TUBGCP6: variants seen among roughly 807,000 people sequenced by gnomAD.
TUBGCP6 encodes tubulin gamma complex component 6, also known as gamma-tubulin complex component 6.
Under a neutral mutation model 175.8 loss-of-function variants are expected in TUBGCP6, and 161 were observed. The ratio of observed to expected loss-of-function variants is 0.92; its 90% CI spans 0.81 to 1.04. The LOEUF (loss-of-function observed/expected upper bound fraction) is 1.04. Among genes scored for constraint, TUBGCP6 ranks in the 50% least tolerant of loss-of-function variants. The pLI is 0.00. For synonymous variants in TUBGCP6, 1,173 were observed against 1,030.5 expected (o/e 1.14, Z -2.65); for missense variants, 2,572 against 2,433.0 (o/e 1.06, Z -1.20).
At position 50,228,043 on chromosome 22, in the gene TUBGCP6, G is replaced by C. The variant is rs1431148132; in HGVS notation, c.1291-15C>G. 1.3e-6 allele frequency: 2 copies of C among 1,528,924 alleles called. No individual in the cohort carries two copies. Among genetic ancestry groups the C allele is most frequent in the Admixed American group, 4.2e-5 (2 of 47,708 alleles). 94.7% of individuals were successfully genotyped at this position (1,528,924 alleles called of 1,614,324 possible). The stretch of plus-strand genomic sequence containing the variant: ...CTGGTGAAGGCCTGTGGGCAAAGAG[G>C]CTGGGAGGAGGGCGGCCAGGCACAT... On this transcript the variant is annotated splice_polypyrimidine_tract_variant and intron_variant, in intron 4 of 24. Coordinates refer to ENST00000248846, the MANE Select transcript of TUBGCP6 (RefSeq NM_020461.4).
intron 2 of TUBGCP6, among the ~76,000 whole-genome samples, chr22:50,238,711 G>C (rs1013912565): frequency 5.9e-5 from 9 of 151,784 alleles, no homozygotes; most frequent in East Asian, 2.0e-4. Context: ...CTAATTTTTT[G>C]TATTTTTAGT....
intron 4 of TUBGCP6, among the ~76,000 whole-genome samples, 180 bp from the exon 5 acceptor site, chr22:50,228,208 C>G (rs903390733): frequency 6.6e-6 from 1 of 152,184 alleles, no homozygotes; most frequent in Non-Finnish European, 1.5e-5. Flanking sequence ...GAAATGCGGC[C>G]CATCCACAAG....
rs150608966 is a variant in TUBGCP6 at position 50,233,420 on chromosome 22, C to T, written c.1012G>A (p.Val338Ile). ...AGCACGGGCTGCGGGGCCTGTAGGA[C>T]GCCCCCAGCAAGCAGCTGGAGCTCC... ...QGELQLLAGG[V>I]LQAPQPVLVK... The change falls in exon 3 of 25, where the codon GTC becomes ATC. Residue 338 changes from valine to isoleucine, a missense_variant. By Grantham distance (29) the Val-to-Ile change is conservative. Transcript: ENST00000248846. 1.7e-4 allele frequency: 268 copies of T among 1,613,852 alleles called. 1 individual carries two copies. In the African/African-American group the frequency reaches 2.7e-3, roughly 16 times the overall value.
In TUBGCP6 at chr22:50,234,990, TCATCCACACCCCTATCCACGGCAG is replaced by T. The variant is rs1372608660; in HGVS notation, c.906-1488_906-1465del. On this transcript the variant is annotated intron_variant, in intron 2 of 24. Transcript: ENST00000248846. ...ATCCACACCCAGGTCCACCGCAGCA[TCATCCACACCCCTATCCACGGCAG>T]CATCCACCCCCTGTCCACGGCAGCA... 2.2e-3 allele frequency among the ~76,000 whole-genome samples: 310 copies of T among 138,008 alleles called. 2 individuals carry two copies. The highest frequency in any genetic ancestry group is 8.2e-3 in the African/African-American group (293 of 35,742). 90.5% of individuals were successfully genotyped at this position (138,008 alleles called of 152,430 possible). A position where few individuals can be genotyped will look rare whatever the true frequency, so the allele number is the denominator to read the frequency against.
Position 50,244,503 on chromosome 22 carries a change from C to A in TUBGCP6, c.-44G>T, listed in dbSNP as rs1464489535. The A allele has an allele frequency of 6.4e-7, 1 of 1,554,380 alleles. No individual in the cohort carries two copies. The highest frequency in any genetic ancestry group is 1.2e-5 in the South Asian group (1 of 85,136). On this transcript the variant is annotated 5_prime_UTR_variant, in exon 1 of 25. Coordinates refer to ENST00000248846, the MANE Select transcript of TUBGCP6 (RefSeq NM_020461.4). ...GCCCCCGGCGTGTGGGAAAACACCT[C>A]ACCCGGGCTTCACTCACGCTCCGGA... is the stretch of plus-strand genomic sequence containing the variant.
At chr22:50,227,675 C>G (rs1437920152) in intron 5 of TUBGCP6, among the ~76,000 whole-genome samples, 9 of 152,252 alleles carry the variant, frequency 5.9e-5, no homozygotes, top group African/African-American at 2.2e-4. Flanking sequence ...TAGGCAGGAG[C>G]CACCGGACCT....
rs754282574 is a variant in TUBGCP6 at position 50,219,782 on chromosome 22, CTG to C, written c.4175_4176del (p.Thr1392SerfsTer10). ...PNWPLNSQED[T>X]AAQSSPGRGE... is the part of the protein sequence containing the mutation. ...CCACGGCCTGGGCTGCTCTGGGCAG[CTG>C]TGTCTTCCTAACAAAACACCAGCCT... On this transcript the variant is annotated frameshift_variant, in exon 18 of 25. Coordinates refer to ENST00000248846, the MANE Select transcript of TUBGCP6 (RefSeq NM_020461.4). LOFTEE classifies it high-confidence loss of function. 3.1e-6 allele frequency: 5 copies of C among 1,613,184 alleles called. No homozygotes were observed. Among genetic ancestry groups the C allele is most frequent in the Non-Finnish European group, 4.2e-6 (5 of 1,179,550 alleles).
At chr22:50,234,182 T>TCACCCACACC (rs2064730772) in intron 2 of TUBGCP6, among the ~76,000 whole-genome samples, 2 of 136,296 alleles carry the variant, frequency 1.5e-5, no homozygotes, top group Non-Finnish European at 3.1e-5. Context: ...CACGGCAGCA[T>TCACCCACACC]CATCCACACG....
intron 15 of TUBGCP6, 41 bp from the exon 16 acceptor site, chr22:50,221,915 C>T (rs756679662): frequency 1.3e-6 from 2 of 1,540,390 alleles, no homozygotes; most frequent in African/African-American, 1.4e-5. Flanking sequence ...GGTCTCAGGA[C>T]CCCCCAGCCC....
At chr22:50,219,490 C>A (rs532051202) in intron 18 of TUBGCP6, 34 bp from the exon 19 acceptor site, 4 of 1,595,002 alleles carry the variant, frequency 2.5e-6, no homozygotes, top group South Asian at 2.3e-5. Flanking sequence ...TGCTGGGAAC[C>A]GGCCAGCCCA....
chr22:50,244,666 C>T lies in TUBGCP6; in HGVS notation c.-207G>A, dbSNP rs1306043378. 4 of 801,154 alleles carry T rather than the reference C, an allele frequency of 5.0e-6. No homozygotes were observed. In the African/African-American group the frequency reaches 7.0e-5, roughly 14 times the overall value. The allele number at this position is 801,154 out of a possible 1,614,324, so 49.6% of individuals were successfully genotyped here. A position where few individuals can be genotyped will look rare whatever the true frequency, so the allele number is the denominator to read the frequency against. On this transcript the variant is annotated 5_prime_UTR_variant, in exon 1 of 25. Coordinates refer to ENST00000248846, the MANE Select transcript of TUBGCP6 (RefSeq NM_020461.4). Reference sequence around the variant, plus strand: ...TAAACACGCCCTGCCCTCCCCAGTCCAAGCACGCTGCCCGGCGCCCGGCAG... The same window carrying T: ...TAAACACGCCCTGCCCTCCCCAGTCTAAGCACGCTGCCCGGCGCCCGGCAG...
rs1302808817 is a variant in TUBGCP6, at chr22:50,224,239, C to A, written c.2172G>T (p.Arg724Ser). The A allele has an allele frequency of 6.2e-7, 1 of 1,614,056 alleles. No homozygotes were observed. The highest frequency in any genetic ancestry group is 8.5e-7 in the Non-Finnish European group (1 of 1,180,058). ...TGAAGTCATCATCCAGCTCCTCCTG[C>A]CTGGCCGCCTGGCGTCGCTATAAAA... Reference protein sequence around the residue: ...VKDQERRQAARQEELDDDFSY... With the variant: ...VKDQERRQAASQEELDDDFSY... The change falls in exon 13 of 25, where the codon AGG (arginine) becomes AGT (serine). Residue 724 changes from arginine to serine, a missense_variant. Transcript: ENST00000248846.
rs769027529 is a variant in TUBGCP6, at chr22:50,221,702, C to T, written c.2657G>A (p.Gly886Glu). ...AGGRGLQQAE[G>E]ARPFSDSLSI... ...GAGGCTGTCAGAGAAGGGTCTGGCCCCCTCCGCCTGCTGCAGCCCCCTGCC... is the reference window on the plus strand; with the variant it reads ...GAGGCTGTCAGAGAAGGGTCTGGCCTCCTCCGCCTGCTGCAGCCCCCTGCC... Residue 886 changes from glycine (G) to glutamate (E), a missense_variant, in exon 16 of 25, where the codon GGG (glycine) becomes GAG (glutamate). Transcript: ENST00000248846. 41 of 1,516,988 alleles carry T rather than the reference C, an allele frequency of 2.7e-5. No homozygotes were observed. Among genetic ancestry groups the T allele is most frequent in the East Asian group, 1.1e-4 (5 of 44,030 alleles). The allele number at this position is 1,516,988 out of a possible 1,614,324, so 94.0% of individuals were successfully genotyped here.
chr22:50,234,050 A>G (rs13055135), intron 2 of TUBGCP6, among the ~76,000 whole-genome samples: 103,252 of 147,142 alleles, frequency 0.7, 36,165 homozygotes, highest in South Asian at 0.84. Flanking sequence ...CCACTGCAGC[A>G]TCATCCACAC....
intron 11 of TUBGCP6, 43 bp downstream of exon 11, chr22:50,224,468 A>C (rs768509336): frequency 3.1e-6 from 5 of 1,614,002 alleles, no homozygotes; most frequent in African/African-American, 1.3e-5. Flanking sequence ...GGCCCCAGCA[A>C]GGCCCCCCGG....
rs772317388 is a variant in TUBGCP6 at position 50,218,210 on chromosome 22, T to G, written c.5147A>C (p.Tyr1716Ser). 6.2e-7 allele frequency: 1 copy of G among 1,612,222 alleles called. No individual in the cohort carries two copies. Among genetic ancestry groups the G allele is most frequent in the Non-Finnish European group, 8.5e-7 (1 of 1,179,830 alleles). ...LEEIQRAHAE[Y>S]LHKAVFRGLL... Reference sequence around the variant, plus strand: ...TCACCTGAAGACGGCCTTGTGCAGGTACTCTGCGTGCGCACGCTGGATCTC... The same window carrying G: ...TCACCTGAAGACGGCCTTGTGCAGGGACTCTGCGTGCGCACGCTGGATCTC... The change falls in exon 23 of 25, where the codon TAC becomes TCC. Residue 1716 changes from tyrosine to serine, a missense_variant. By Grantham distance (144) the Tyr-to-Ser change is moderately radical (BLOSUM62 -2). Coordinates refer to ENST00000248846, the MANE Select transcript of TUBGCP6 (RefSeq NM_020461.4).
rs200321359 is a variant in TUBGCP6 at position 50,229,378 on chromosome 22, T to C, written c.1290+26A>G. 1.9e-4 allele frequency: 306 copies of C among 1,608,532 alleles called. 1 individual carries two copies. The highest frequency in any genetic ancestry group is 1.2e-3 in the Middle Eastern group (7 of 6,048). The stretch of plus-strand genomic sequence containing the variant: ...TGTGCACCGTTCTCACAAAGGTGTG[T>C]GACAACCATGAGGCAAAGGCCATAC... On this transcript the variant is annotated intron_variant, in intron 4 of 24. Coordinates refer to ENST00000248846, the MANE Select transcript of TUBGCP6 (RefSeq NM_020461.4).
intron 13 of TUBGCP6, chr22:50,222,935 C>T (rs961531475): frequency 2.0e-5 from 5 of 256,328 alleles, no homozygotes; most frequent in African/African-American, 1.1e-4. Context: ...AGGCCTCTTC[C>T]CCTTCTACAG....
intron 1 of TUBGCP6, among the ~76,000 whole-genome samples, chr22:50,242,573 G>T (rs141198825): frequency 6.6e-6 from 1 of 152,192 alleles, no homozygotes; most frequent in Non-Finnish European, 1.5e-5. Flanking sequence ...TCTAGCTATC[G>T]CATAAGAATA....
Sources: allele counts gnomAD v4.1 joint callset (sites outside exome capture counted in the v4.1 genomes callset), GRCh38; gene constraint gnomAD v4.1.1; transcripts MANE v1.5; gene names NCBI Gene and HGNC (gene_info 2026-07-23, HGNC 2026-07-21).